Variants in VWA8 observed in about 807,000 individuals in gnomAD.
VWA8 encodes von Willebrand factor A domain containing 8.
Under a neutral mutation model 241.5 loss-of-function variants are expected in VWA8, and 221 were observed. The observed-to-expected ratio is 0.91, with a 90% CI of 0.82 to 1.02. The LOEUF is 1.02. Among genes scored for constraint, VWA8 ranks in the 50% least tolerant of loss-of-function variants. The probability of loss-of-function intolerance (pLI) is 0.00; values close to 1 mark genes in which losing one functional copy is unlikely to be tolerated. For synonymous variants in VWA8, 852 were observed against 827.1 expected (o/e 1.03, Z -0.52); for missense variants, 2,322 against 2,328.7 (o/e 1.00, Z 0.06).
intron 37 of VWA8, among the ~76,000 whole-genome samples, chr13:41,637,749 C>A (rs1232795989): frequency 6.6e-6 from 1 of 152,162 alleles, no homozygotes; most frequent in South Asian, 2.1e-4. Context: ...AACTCTTCCT[C>A]CCTGTCTTCT....
intron 2 of VWA8, chr13:41,925,721 G>T: frequency 1.0e-5 from 2 of 192,960 alleles, no homozygotes; most frequent in South Asian, 1.9e-4. Context: ...CAAGCAGGAA[G>T]AACTCAGTGA....
At chr13:41,872,614 T>C (rs1873686074) in intron 9 of VWA8, among the ~76,000 whole-genome samples, 1 of 152,204 alleles carries the variant, frequency 6.6e-6, no homozygotes, top group Non-Finnish European at 1.5e-5. Flanking sequence ...ATCAGACAGT[T>C]GTAGATATAT....
intron 30 of VWA8, among the ~76,000 whole-genome samples, chr13:41,692,558 C>T (rs1420748994): frequency 9.2e-5 from 14 of 152,024 alleles, no homozygotes; most frequent in South Asian, 2.1e-4. Flanking sequence ...GTTAAATTGA[C>T]TCCATGATCA....
At chr13:41,955,020 A>G (rs1040259780) in intron 1 of VWA8, among the ~76,000 whole-genome samples, 1 of 152,182 alleles carries the variant, frequency 6.6e-6, no homozygotes, top group African/African-American at 2.4e-5. Context: ...TTTATCCCCA[A>G]TACCTGAAAC....
chr13:41,612,202 C>G (rs1348501621), intron 38 of VWA8, among the ~76,000 whole-genome samples: 1 of 152,182 alleles, frequency 6.6e-6, no homozygotes, highest in Non-Finnish European at 1.5e-5. Context: ...AAAACCTAGA[C>G]AGTTAAGCTA....
chr13:41,735,621 G>A (rs1470554227), intron 21 of VWA8, among the ~76,000 whole-genome samples: 1 of 152,022 alleles, frequency 6.6e-6, no homozygotes, highest in Non-Finnish European at 1.5e-5. Context: ...CATAAAAAAA[G>A]CAAAGGCTAG....
intron 37 of VWA8, among the ~76,000 whole-genome samples, chr13:41,669,574 A>T (rs2045008700): frequency 6.6e-6 from 1 of 152,204 alleles, no homozygotes; most frequent in Non-Finnish European, 1.5e-5. Flanking sequence ...AGTCAAGCAC[A>T]ATTATTAAAT....
intron 33 of VWA8, among the ~76,000 whole-genome samples, chr13:41,689,850 GT>G (rs1485140042): frequency 2.0e-5 from 3 of 151,826 alleles, no homozygotes; most frequent in African/African-American, 7.3e-5. Flanking sequence ...CCCCAAAACT[GT>G]GATAAATTAA....
At chr13:41,583,464 A>G (rs2044396693) in intron 42 of VWA8, among the ~76,000 whole-genome samples, 1 of 152,100 alleles carries the variant, frequency 6.6e-6, no homozygotes, top group Non-Finnish European at 1.5e-5. Context: ...CAATATGGTG[A>G]AACCACTGTC....
intron 37 of VWA8, among the ~76,000 whole-genome samples, chr13:41,628,323 G>A (rs1001168009): frequency 6.6e-6 from 1 of 152,160 alleles, no homozygotes; most frequent in Non-Finnish European, 1.5e-5. Context: ...AAGATCTTAA[G>A]ACAGAACTAC....
At chr13:41,958,242 A>G (rs1878435880) in intron 1 of VWA8, among the ~76,000 whole-genome samples, 1 of 152,228 alleles carries the variant, frequency 6.6e-6, no homozygotes, top group South Asian at 2.1e-4. Flanking sequence ...TCTTGAGAGC[A>G]AACGACAATT....
chr13:41,634,161 G>A (rs1288074989), intron 37 of VWA8, among the ~76,000 whole-genome samples: 3 of 152,170 alleles, frequency 2.0e-5, no homozygotes, highest in East Asian at 1.9e-4. Flanking sequence ...AGAACACTAC[G>A]TGAAGAGACT....
intron 4 of VWA8, among the ~76,000 whole-genome samples, chr13:41,896,851 T>C (rs1318606247): frequency 6.6e-6 from 1 of 152,158 alleles, no homozygotes; most frequent in Non-Finnish European, 1.5e-5. Context: ...TAGAAAGATA[T>C]ATAAAAATGT....
intron 17 of VWA8, among the ~76,000 whole-genome samples, chr13:41,809,583 G>A (rs1165813151): frequency 6.6e-6 from 1 of 151,986 alleles, no homozygotes; most frequent in Non-Finnish European, 1.5e-5. Flanking sequence ...CCTATCTCTT[G>A]CCATATACAA....
chr13:41,936,842 A>T (rs1016805376), intron 2 of VWA8, among the ~76,000 whole-genome samples: 2 of 152,186 alleles, frequency 1.3e-5, no homozygotes, highest in Non-Finnish European at 2.9e-5. Flanking sequence ...CATATATCAA[A>T]ACATTTTGTA....
chr13:41,682,428 C>A (rs1330671417), intron 35 of VWA8, among the ~76,000 whole-genome samples: 1 of 152,136 alleles, frequency 6.6e-6, no homozygotes, highest in East Asian at 1.9e-4. Context: ...TATAAAACTT[C>A]TAGAAGAAAA....
At chr13:41,825,307 T>C (rs1245464384) in intron 14 of VWA8, among the ~76,000 whole-genome samples, 2 of 152,198 alleles carry the variant, frequency 1.3e-5, no homozygotes, top group Admixed American at 1.3e-4. Context: ...AGTCTATAGA[T>C]AGGATCATCT....
At chr13:41,784,676 C>A (rs1452081994) in intron 18 of VWA8, among the ~76,000 whole-genome samples, 3 of 92,982 alleles carry the variant, frequency 3.2e-5, no homozygotes, top group African/African-American at 3.5e-5. Flanking sequence ...CTCTCTCTCT[C>A]TCTTTATACA....
rs2137825125 is a variant in VWA8, at chr13:41,699,154, C to T, written c.3481G>A (p.Ala1161Thr). 6.2e-7 allele frequency: 1 copy of T among 1,614,078 alleles called. No individual in the cohort carries two copies. Among genetic ancestry groups the T allele is most frequent in the Non-Finnish European group, 8.5e-7 (1 of 1,179,972 alleles). The change falls in exon 29 of 45, where the codon GCC becomes ACC. Residue 1161 changes from alanine (A) to threonine (T), a missense_variant. By Grantham distance (58) the Ala-to-Thr change is moderately conservative. Transcript: ENST00000379310. The part of the protein sequence containing the change: ...VDFFDIFPRT[A>T]NGVWHPFVTV... Reference sequence around the variant, plus strand: ...ACAAAAGGGTGCCAAACGCCATTGGCTGTTCTTGGGAAGATATCAAAAAAG... The same window carrying T: ...ACAAAAGGGTGCCAAACGCCATTGGTTGTTCTTGGGAAGATATCAAAAAAG...
Sources: allele counts gnomAD v4.1 joint callset (sites outside exome capture counted in the v4.1 genomes callset), GRCh38; gene constraint gnomAD v4.1.1; transcripts MANE v1.5; gene names NCBI Gene and HGNC (gene_info 2026-07-23, HGNC 2026-07-21).